The following USP25 variants were observed in gnomAD, a reference collection of about 807,000 sequenced individuals.
USP25 encodes the protein ubiquitin specific peptidase 25, also known as ubiquitin carboxyl-terminal hydrolase 25.
USP25 carries 85 observed loss-of-function variants against 158.5 expected under a neutral mutation model. That is an observed-to-expected ratio of 0.54 (90% CI 0.45 to 0.64). USP25 has a LOEUF of 0.64. Among genes scored for constraint, USP25 ranks in the 30% least tolerant of loss-of-function variants. The probability of loss-of-function intolerance (pLI) is 0.00; values close to 1 mark genes in which losing one functional copy is unlikely to be tolerated. For synonymous variants in USP25, 464 were observed against 460.4 expected (o/e 1.01, Z -0.10); for missense variants, 1,242 against 1,327.3 (o/e 0.94, Z 1.00).
intron 4 of USP25, among the ~76,000 whole-genome samples, chr21:15,789,149 C>T (rs1384388870): frequency 2.0e-5 from 3 of 152,006 alleles, no homozygotes; most frequent in East Asian, 1.9e-4. Flanking sequence ...AAAAAGCTTA[C>T]ATTATCTCAG....
At chr21:15,824,524 GTCTC>G (rs1197530999) in intron 11 of USP25, among the ~76,000 whole-genome samples, 1 of 151,762 alleles carries the variant, frequency 6.6e-6, no homozygotes, top group East Asian at 1.9e-4. Flanking sequence ...CTTTCTTTCT[GTCTC>G]TCTGTCTTCC....
At chr21:15,862,127 A>G (rs1008581301) in intron 20 of USP25, among the ~76,000 whole-genome samples, 1 of 152,102 alleles carries the variant, frequency 6.6e-6, no homozygotes, top group Admixed American at 6.5e-5. Context: ...AATTTAAGAG[A>G]CTCAGTACAA....
rs527292159 is a variant in USP25 at position 15,820,543 on chromosome 21, C to T, written c.1080+1697C>T. The stretch of plus-strand genomic sequence containing the variant: ...TGGCAAATTTGATTGCCTGTGATTC[C>T]TGCTACCATTTTTCTAGATTTGCTG... On this transcript the variant is annotated intron_variant, in intron 10 of 25. Coordinates refer to ENST00000400183, the MANE Select transcript of USP25 (RefSeq NM_001283041.3). 2.0e-5 allele frequency among the ~76,000 whole-genome samples: 3 copies of T among 151,966 alleles called. No individual in the cohort carries two copies. The South Asian group carries it at 6.2e-4, about 32-fold the overall frequency.
intron 1 of USP25, among the ~76,000 whole-genome samples, chr21:15,732,165 T>A (rs1281559029): frequency 6.6e-6 from 1 of 152,184 alleles, no homozygotes; most frequent in Non-Finnish European, 1.5e-5. Flanking sequence ...ATGAATCCCC[T>A]CCACACACAA....
At chr21:15,772,972 A>G (rs1022536483) in intron 3 of USP25, among the ~76,000 whole-genome samples, 3 of 142,370 alleles carry the variant, frequency 2.1e-5, no homozygotes, top group Non-Finnish European at 4.5e-5. Context: ...TTATGGATTA[A>G]TAGGAAGATC....
chr21:15,746,455 G>T (rs772192230), intron 1 of USP25, among the ~76,000 whole-genome samples: 30 of 151,426 alleles, frequency 2.0e-4, no homozygotes, highest in East Asian at 3.9e-4. Context: ...TTTTTGAGAC[G>T]CAGTCTCACT....
chr21:15,796,779 A>G (rs2035881909), intron 5 of USP25, among the ~76,000 whole-genome samples: 1 of 151,364 alleles, frequency 6.6e-6, no homozygotes, highest in Non-Finnish European at 1.5e-5. Flanking sequence ...AATTTTTCAT[A>G]CACAATGTCT....
chr21:15,838,402 A>G (rs1487509274), intron 17 of USP25, among the ~76,000 whole-genome samples: 1 of 152,128 alleles, frequency 6.6e-6, no homozygotes. Context: ...TAGAAACAAA[A>G]TAGTCACACA....
At chr21:15,733,989 C>T (rs1042944824) in intron 1 of USP25, among the ~76,000 whole-genome samples, 3 of 152,184 alleles carry the variant, frequency 2.0e-5, no homozygotes, top group African/African-American at 4.8e-5. Flanking sequence ...TTAAGTGCTT[C>T]TGAAGGTTCT....
rs745483483 is a variant in USP25, at chr21:15,826,129, G to A, written c.1305-75G>A. On this transcript the variant is annotated intron_variant, in intron 12 of 25. Transcript: ENST00000400183. The surrounding 1 kb of genome is among the most constrained non-coding windows in gnomAD (Gnocchi z 4.8). ...AAGTTTTATTGAAGTATCGTATCAC[G>A]TTTTATAATAATAATAAAGGCCCAA... 18 of 1,447,928 alleles carry A rather than the reference G, an allele frequency of 1.2e-5. No homozygotes were observed. Among genetic ancestry groups the A allele is most frequent in the African/African-American group, 4.3e-5 (3 of 70,028 alleles). The allele number at this position is 1,447,928 out of a possible 1,614,324, so 89.7% of individuals were successfully genotyped here. A position where few individuals can be genotyped will look rare whatever the true frequency, so the allele number is the denominator to read the frequency against.
intron 17 of USP25, among the ~76,000 whole-genome samples, chr21:15,840,629 C>A (rs943631208): frequency 6.6e-6 from 1 of 152,130 alleles, no homozygotes; most frequent in African/African-American, 2.4e-5. Context: ...TTCAGTGTTA[C>A]TCATAACGTT....
chr21:15,860,974 A>G (rs1400283025), intron 20 of USP25, among the ~76,000 whole-genome samples: 2 of 132,938 alleles, frequency 1.5e-5, no homozygotes, highest in African/African-American at 5.2e-5. Context: ...ATATATATAT[A>G]TAGAGAGAGA....
chr21:15,856,746 C>G (rs1435894915), intron 20 of USP25, among the ~76,000 whole-genome samples: 1 of 152,208 alleles, frequency 6.6e-6, no homozygotes, highest in Admixed American at 6.5e-5. Context: ...GCTGGGAGTA[C>G]AGGCGTGAGC....
At chr21:15,866,930 T>C (rs1316022643) in intron 22 of USP25, among the ~76,000 whole-genome samples, 2 of 152,164 alleles carry the variant, frequency 1.3e-5, no homozygotes, top group Non-Finnish European at 2.9e-5. Flanking sequence ...TGCACTACAC[T>C]GTGCAACTGT....
rs529992099 is a variant in USP25 at position 15,877,771 on chromosome 21, T to C, written c.3010-25T>C. ...TAAAAAGGAAACAAAAACCTATTCT[T>C]TTTTTTTTCCTGCATTGCATTAAGA... is the stretch of plus-strand genomic sequence containing the variant. On this transcript the variant is annotated intron_variant, in intron 24 of 25. Transcript: ENST00000400183. The C allele has an allele frequency of 5.3e-5, 81 of 1,520,252 alleles. 1 individual carries two copies. In the South Asian group the frequency reaches 9.7e-4, roughly 18 times the overall value. The allele number at this position is 1,520,252 out of a possible 1,614,324, so 94.2% of individuals were successfully genotyped here.
At chr21:15,824,927 T>G in intron 11 of USP25, 39 bp from the exon 12 acceptor site, 12 of 1,526,624 alleles carry the variant, frequency 7.9e-6, no homozygotes, top group Admixed American at 1.7e-5. Context: ...TCTACTTTCA[T>G]GATATTCGGA....
At chr21:15,837,958 G>A (rs1367378787) in intron 17 of USP25, among the ~76,000 whole-genome samples, 1 of 150,572 alleles carries the variant, frequency 6.6e-6, no homozygotes, top group Non-Finnish European at 1.5e-5. Context: ...TTTTTTCTGA[G>A]ACAGTTTCAC....
intron 1 of USP25, among the ~76,000 whole-genome samples, chr21:15,750,649 T>C (rs890325654): frequency 3.9e-5 from 6 of 151,942 alleles, no homozygotes; most frequent in Non-Finnish European, 7.4e-5. Flanking sequence ...CTCTGTCGCC[T>C]AGGCTGGAGT....
chr21:15,858,497 C>T (rs75259809), intron 20 of USP25, among the ~76,000 whole-genome samples: 4,142 of 151,058 alleles, frequency 0.027, 197 homozygotes, highest in African/African-American at 0.093. Flanking sequence ...GGGTAGGTAA[C>T]GGGATAATTA....
Sources: allele counts gnomAD v4.1 joint callset (sites outside exome capture counted in the v4.1 genomes callset), GRCh38; gene constraint gnomAD v4.1.1; non-coding constraint Gnocchi (gnomAD v3.1); transcripts MANE v1.5; gene names NCBI Gene and HGNC (gene_info 2026-07-23, HGNC 2026-07-21).